LTBP1: variants seen among roughly 807,000 people sequenced by gnomAD.
LTBP1 encodes latent-transforming growth factor beta-binding protein 1.
LTBP1 carries 129 observed loss-of-function variants against 207.6 expected under a neutral mutation model. That is an observed-to-expected ratio of 0.62 (90% CI 0.54 to 0.72). The LOEUF (loss-of-function observed/expected upper bound fraction) is 0.72. LTBP1 is among the 30% of genes least tolerant of loss of function. LTBP1 has a pLI of 0.00. For missense variants in LTBP1, 2,281 were observed against 2,217.2 expected (o/e 1.03, Z -0.58); for synonymous variants, 963 against 833.7 (o/e 1.16, Z -2.67).
At chr2:32,974,935 T>C (rs1435883308) in intron 2 of LTBP1, among the ~76,000 whole-genome samples, 1 of 152,216 alleles carries the variant, frequency 6.6e-6, no homozygotes, top group Non-Finnish European at 1.5e-5. Flanking sequence ...TAGCTGGTTA[T>C]TATGCAGACT....
intron 10 of LTBP1, among the ~76,000 whole-genome samples, chr2:33,251,083 C>T (rs746734991): frequency 1.1e-4 from 17 of 152,190 alleles, no homozygotes; most frequent in East Asian, 1.9e-4. Flanking sequence ...TGCCAGTGTA[C>T]GCTGCCCTCG....
chr2:33,031,943 G>T lies in LTBP1; in HGVS notation c.863+10737G>T, dbSNP rs187765485. Among the ~76,000 whole-genome samples, 6 of 152,286 alleles carry T rather than the reference G, an allele frequency of 3.9e-5. No homozygotes were observed. In the East Asian group the frequency reaches 7.7e-4, roughly 20 times the overall value. On this transcript the variant is annotated intron_variant, in intron 3 of 33. Coordinates refer to ENST00000404816, the MANE Select transcript of LTBP1 (RefSeq NM_206943.4). ...GGGAAGGCCTGGGAGGCTGGCTGCT[G>T]GGCAGATGAGAGAGAGGGAGGCCTA...
intron 3 of LTBP1, among the ~76,000 whole-genome samples, chr2:33,075,099 TGTG>T (rs1385063592): frequency 2.0e-5 from 3 of 151,858 alleles, no homozygotes; most frequent in Non-Finnish European, 4.4e-5. Context: ...AAAAAGATGT[TGTG>T]GTGGTAAAAT....
At position 33,100,859 on chromosome 2, in the gene LTBP1, G is replaced by A. The variant is rs147932930; in HGVS notation, c.864-9723G>A. Among the ~76,000 whole-genome samples, 252 of 152,304 alleles carry A rather than the reference G, an allele frequency of 1.7e-3. 1 individual carries two copies. The highest frequency in any genetic ancestry group is 5.5e-3 in the African/African-American group (230 of 41,562). ...GATGTTTTCAAGGTTCATCTGTGTT[G>A]TAGCCTGTGTTAGAGTTTCATTTCT... On this transcript the variant is annotated intron_variant, in intron 3 of 33. Coordinates refer to ENST00000404816, the MANE Select transcript of LTBP1 (RefSeq NM_206943.4).
At chr2:33,166,701 G>T (rs1474736815) in intron 5 of LTBP1, among the ~76,000 whole-genome samples, 1 of 152,192 alleles carries the variant, frequency 6.6e-6, no homozygotes, top group Non-Finnish European at 1.5e-5. Flanking sequence ...GAATGTTCCA[G>T]ATTCAGGAAG....
At chr2:33,397,729 A>G (rs944850213) in intron 33 of LTBP1, among the ~76,000 whole-genome samples, 6 of 131,092 alleles carry the variant, frequency 4.6e-5, no homozygotes, top group Middle Eastern at 4.5e-3. Flanking sequence ...TCACCGTGTT[A>G]GCCAGGATGG....
rs1245592629 is a variant in LTBP1, at chr2:33,147,126, A to G, written c.1201+12166A>G. On this transcript the variant is annotated intron_variant, in intron 5 of 33. Coordinates refer to ENST00000404816, the MANE Select transcript of LTBP1 (RefSeq NM_206943.4). ...ATCAGAGATTCTCAGTACTGGTAAT[A>G]TTATACAACAGAATCTAGGAATGCT... 2.0e-5 allele frequency among the ~76,000 whole-genome samples: 3 copies of G among 152,306 alleles called. No individual in the cohort carries two copies. In the East Asian group the frequency reaches 5.8e-4, roughly 29 times the overall value.
chr2:33,332,299 G>A (rs1346942992), intron 24 of LTBP1, among the ~76,000 whole-genome samples: 1 of 148,076 alleles, frequency 6.8e-6, no homozygotes, highest in African/African-American at 2.5e-5. Flanking sequence ...TTGGGAGGCT[G>A]AGGTGGGAGG....
At chr2:33,087,942 T>C (rs2149980330) in intron 3 of LTBP1, among the ~76,000 whole-genome samples, 1 of 152,340 alleles carries the variant, frequency 6.6e-6, no homozygotes, top group South Asian at 2.1e-4. Flanking sequence ...GGACTGATGT[T>C]GTCTGGTACA....
rs935775188 is a variant in LTBP1 at position 33,319,417 on chromosome 2, C to T, written c.3730+4148C>T. 3.3e-5 allele frequency among the ~76,000 whole-genome samples: 5 copies of T among 152,036 alleles called. No homozygotes were observed. In the East Asian group the frequency reaches 9.7e-4, roughly 29 times the overall value. On this transcript the variant is annotated intron_variant, in intron 24 of 33. Transcript: ENST00000404816. ...ACATCTCAAAAGAAAAAAAAAAATC[C>T]TTATCATTGCATTCATAAGCTGATT...
At chr2:33,091,425 T>C (rs982627488) in intron 3 of LTBP1, among the ~76,000 whole-genome samples, 17 of 152,104 alleles carry the variant, frequency 1.1e-4, no homozygotes, top group African/African-American at 3.4e-4. Flanking sequence ...CAAAGATGGG[T>C]AAATAGTGCC....
chr2:33,241,461 G>T (rs919352627), intron 9 of LTBP1, among the ~76,000 whole-genome samples: 3 of 152,190 alleles, frequency 2.0e-5, no homozygotes, highest in African/African-American at 7.2e-5. Context: ...GAGGGTACTA[G>T]GCATTGGTTG....
intron 30 of LTBP1, among the ~76,000 whole-genome samples, chr2:33,364,838 G>A (rs1218877979): frequency 1.3e-5 from 2 of 152,232 alleles, no homozygotes; most frequent in African/African-American, 4.8e-5. Context: ...GGCATAATCT[G>A]TCATTCGCCT....
intron 4 of LTBP1, among the ~76,000 whole-genome samples, chr2:33,122,561 T>C (rs1423490443): frequency 6.6e-6 from 1 of 152,158 alleles, no homozygotes; most frequent in Non-Finnish European, 1.5e-5. Flanking sequence ...TCAGAATCTC[T>C]CTTAAGGAAT....
At chr2:33,334,759 C>G (rs753838799) in intron 24 of LTBP1, among the ~76,000 whole-genome samples, 2 of 151,890 alleles carry the variant, frequency 1.3e-5, no homozygotes, top group African/African-American at 4.8e-5. Context: ...TGAGGCTTGT[C>G]TGGGTAATTT....
chr2:33,060,904 T>C (rs1288447552), intron 3 of LTBP1, among the ~76,000 whole-genome samples: 3 of 152,180 alleles, frequency 2.0e-5, no homozygotes, highest in Non-Finnish European at 4.4e-5. Flanking sequence ...ACTTTTTTTT[T>C]CTGAAATAGC....
intron 31 of LTBP1, among the ~76,000 whole-genome samples, chr2:33,385,842 C>T (rs555209675): frequency 1.3e-5 from 2 of 152,248 alleles, no homozygotes; most frequent in African/African-American, 4.8e-5. Flanking sequence ...TCTTCAGATA[C>T]AGAAGAGAAG....
chr2:33,074,483 C>A (rs1342394313), intron 3 of LTBP1, among the ~76,000 whole-genome samples: 1 of 151,760 alleles, frequency 6.6e-6, no homozygotes, highest in African/African-American at 2.4e-5. Context: ...ATGCCTGTAA[C>A]CCCAGCACTT....
chr2:33,252,093 G>A (rs755694951), intron 10 of LTBP1, among the ~76,000 whole-genome samples: 19 of 152,328 alleles, frequency 1.2e-4, no homozygotes, highest in Non-Finnish European at 2.5e-4. Context: ...CTGGTGTACT[G>A]TCTGGCTAGA....
Sources: allele counts gnomAD v4.1 joint callset (sites outside exome capture counted in the v4.1 genomes callset), GRCh38; gene constraint gnomAD v4.1.1; transcripts MANE v1.5; gene names NCBI Gene and HGNC (gene_info 2026-07-23, HGNC 2026-07-21).